Variants in TUSC3 observed in about 807,000 individuals in gnomAD.
The protein encoded by TUSC3 is dolichyl-diphosphooligosaccharide--protein glycosyltransferase subunit TUSC3.
TUSC3 carries 45 observed loss-of-function variants against 44.8 expected under a neutral mutation model. That is an observed-to-expected ratio of 1.00 (90% confidence interval 0.79 to 1.29). The LOEUF is 1.29. Among genes scored for constraint, TUSC3 ranks in the 50% most tolerant of loss-of-function variants. The pLI is 0.00. For synonymous variants in TUSC3, 212 were observed against 152.9 expected, an observed-to-expected ratio of 1.39 and a Z score of -2.85; for missense variants, 519 against 437.9, an observed-to-expected ratio of 1.19 and a Z score of -1.65.
chr8:15,583,346 T>C (rs1322607194), intron 1 of TUSC3, among the ~76,000 whole-genome samples: 2 of 152,194 alleles, frequency 1.3e-5, no homozygotes, highest in African/African-American at 4.8e-5. Context: ...CTAATAAAAC[T>C]CACTTTAGAT....
the TUSC3 span, among the ~76,000 whole-genome samples, chr8:15,800,429 C>CGGGCAT: frequency 1.3e-5 from 2 of 151,924 alleles, no homozygotes; most frequent in Non-Finnish European, 2.9e-5. Flanking sequence ...ACAAATTAGC[C>CGGGCAT]GGGCATGGTG....
At chr8:15,664,831 G>T (rs1364394361) in intron 5 of TUSC3, among the ~76,000 whole-genome samples, 2 of 149,670 alleles carry the variant, frequency 1.3e-5, no homozygotes, top group African/African-American at 2.4e-5. Context: ...TAAATAATTT[G>T]TATATATAAT....
At chr8:15,458,576 A>C (rs1173710404) in intron 1 of TUSC3, among the ~76,000 whole-genome samples, 1 of 152,170 alleles carries the variant, frequency 6.6e-6, no homozygotes, top group Non-Finnish European at 1.5e-5. Flanking sequence ...GTGTTAAATA[A>C]AAGCAGGCTA....
At chr8:15,717,284 T>C (rs1810093673) in intron 6 of TUSC3, among the ~76,000 whole-genome samples, 1 of 152,100 alleles carries the variant, frequency 6.6e-6, no homozygotes, top group Admixed American at 6.6e-5. Context: ...GGTTTATCAG[T>C]AAGACGAAAC....
the TUSC3 span, among the ~76,000 whole-genome samples, chr8:15,845,108 G>T: frequency 6.6e-6 from 1 of 152,216 alleles, no homozygotes; most frequent in African/African-American, 2.4e-5. Flanking sequence ...AGCTAGAGAA[G>T]GCAAAATCAT....
rs12550009 is a variant in TUSC3 at position 15,540,311 on chromosome 8, C to G, written c.-120C>G. ...CCGCGGCCCGGGTCCCTCGCAAAGC[C>G]GCTGCCATCCCGGAGGGCCCAGCCA... On this transcript the variant is annotated 5_prime_UTR_variant, in exon 1 of 11. Coordinates refer to ENST00000503731, the MANE Select transcript of TUSC3 (RefSeq NM_006765.4). 1 of 1,323,902 alleles carries G rather than the reference C, an allele frequency of 7.6e-7. No individual in the cohort carries two copies. Among genetic ancestry groups the G allele is most frequent in the African/African-American group, 1.6e-5 (1 of 64,364 alleles). The allele number at this position is 1,323,902 out of a possible 1,614,324, so 82.0% of individuals were successfully genotyped here.
At chr8:15,838,636 T>C in the TUSC3 span, among the ~76,000 whole-genome samples, 1 of 152,176 alleles carries the variant, frequency 6.6e-6, no homozygotes, top group East Asian at 1.9e-4. Flanking sequence ...TTTCTTGTTT[T>C]TGTCAGGTTT....
chr8:15,802,012 A>C, the TUSC3 span, among the ~76,000 whole-genome samples: 14 of 152,124 alleles, frequency 9.2e-5, no homozygotes, highest in East Asian at 2.3e-3. Context: ...CTGTTCTTCG[A>C]GAAGAATCTT....
rs577138731 is a variant in TUSC3, at chr8:15,462,526, A to T, written n.92-20860A>T. Among the ~76,000 whole-genome samples the T allele has an allele frequency of 4.6e-5, 7 of 152,172 alleles. No homozygotes were observed. The South Asian group carries it at 1.5e-3, about 32-fold the overall frequency. On this transcript the variant is annotated intron_variant and non_coding_transcript_variant, in intron 1 of 5. Transcript: ENST00000503191. ...TACACAACGACTGCCTGTTAATGTT[A>T]TCTCCCTACGATATTAAATTCATTT...
chr8:15,700,922 G>T (rs192687986), intron 6 of TUSC3, among the ~76,000 whole-genome samples: 1 of 138,230 alleles, frequency 7.2e-6, no homozygotes, highest in Non-Finnish European at 1.5e-5. Flanking sequence ...ATCCAGTCCA[G>T]GATATGTGAA....
intron 6 of TUSC3, among the ~76,000 whole-genome samples, chr8:15,691,439 T>G (rs2129190235): frequency 6.6e-6 from 1 of 152,232 alleles, no homozygotes; most frequent in Non-Finnish European, 1.5e-5. Flanking sequence ...AGGTGGAGAG[T>G]TAAATTGTCT....
the TUSC3 span, chr8:15,807,355 A>G: frequency 1.2e-5 from 4 of 345,224 alleles, no homozygotes; most frequent in African/African-American, 8.6e-5. Context: ...CAACAACCAC[A>G]ACAACAACAA....
chr8:15,772,088 CAAAAAG>C, the TUSC3 span, among the ~76,000 whole-genome samples: 13 of 149,934 alleles, frequency 8.7e-5, no homozygotes, highest in Non-Finnish European at 1.8e-4. Context: ...GACTCCGTCT[CAAAAAG>C]AAAAAAAAGA....
chr8:15,484,042 G>T (rs529944322), intron 2 of TUSC3, among the ~76,000 whole-genome samples: 13 of 152,158 alleles, frequency 8.5e-5, no homozygotes, highest in African/African-American at 3.1e-4. Context: ...CTCTCCCACC[G>T]TATTAGTATG....
Position 15,719,516 on chromosome 8 carries a change from C to CCACACACA in TUSC3, c.799-11125_799-11118dup, listed in dbSNP as rs56066329. On this transcript the variant is annotated intron_variant, in intron 6 of 10. Coordinates refer to ENST00000503731, the MANE Select transcript of TUSC3 (RefSeq NM_006765.4). ...TTCATCACACACACACACACACACA[C>CCACACACA]CACACACACACACACACACACACAC... is the stretch of plus-strand genomic sequence containing the variant. Among the ~76,000 whole-genome samples, 5 of 16,244 alleles carry CCACACACA rather than the reference C, an allele frequency of 3.1e-4. No individual in the cohort carries two copies. The South Asian group carries it at 3.1e-3, about 10-fold the overall frequency. 10.7% of individuals were successfully genotyped at this position (16,244 alleles called of 152,430 possible). A position where few individuals can be genotyped will look rare whatever the true frequency, so the allele number is the denominator to read the frequency against.
chr8:15,638,198 C>G (rs1301371576), intron 2 of TUSC3, among the ~76,000 whole-genome samples: 1 of 152,052 alleles, frequency 6.6e-6, no homozygotes, highest in Admixed American at 6.6e-5. Flanking sequence ...GCTAGGATCC[C>G]TCGTACCCCT....
the TUSC3 span, among the ~76,000 whole-genome samples, chr8:15,849,616 G>T: frequency 6.6e-6 from 1 of 152,152 alleles, no homozygotes; most frequent in Non-Finnish European, 1.5e-5. Flanking sequence ...CTTGGGCAAA[G>T]TCGACATGTT....
chr8:15,506,259 C>G (rs749165281), intron 2 of TUSC3, among the ~76,000 whole-genome samples: 2 of 152,182 alleles, frequency 1.3e-5, no homozygotes, highest in African/African-American at 2.4e-5. Flanking sequence ...CTCTCTCAGT[C>G]CCACTCTCCC....
At chr8:15,486,487 C>T (rs1204262241) in intron 2 of TUSC3, among the ~76,000 whole-genome samples, 4 of 152,130 alleles carry the variant, frequency 2.6e-5, no homozygotes, top group African/African-American at 9.7e-5. Flanking sequence ...CCCTTTTGCC[C>T]AGGTTGGAGT....
Sources: gnomAD v4.1 joint callset for allele counts (sites outside exome capture counted in the v4.1 genomes callset) on GRCh38, gnomAD v4.1.1 for gene constraint, MANE v1.5 for transcripts, NCBI Gene and HGNC (gene_info 2026-07-23, HGNC 2026-07-21) for gene names.